RARA: variants seen among roughly 807,000 people sequenced by gnomAD.
RARA encodes the protein PML-DDX5-RARA fusion.
RARA carries 5 observed loss-of-function variants against 42.8 expected under a neutral mutation model. The observed-to-expected ratio is 0.12, with a 90% confidence interval of 0.06 to 0.25. RARA has a LOEUF of 0.25. Ranked by LOEUF, RARA falls within the 10% of genes least tolerant of loss-of-function variation. The pLI, the probability that RARA is intolerant of heterozygous loss-of-function variation, is 1.00. For missense variants in RARA, 402 were observed against 628.7 expected, an observed-to-expected ratio of 0.64 and a Z score of 3.86; for synonymous variants, 256 against 259.5, an observed-to-expected ratio of 0.99 and a Z score of 0.13.
At chr17:40,331,524 T>C in intron 2 of RARA, 128 bp downstream of exon 2, 1 of 1,151,062 alleles carries the variant, frequency 8.7e-7, no homozygotes, top group South Asian at 1.6e-5. Context: ...TCTTCTCCAG[T>C]TGGGGTGACC....
At chr17:40,321,779 G>T (rs1209159396) in intron 1 of RARA, among the ~76,000 whole-genome samples, 2 of 152,162 alleles carry the variant, frequency 1.3e-5, no homozygotes, top group Non-Finnish European at 2.9e-5. Context: ...GCTAGGGAGG[G>T]GGCTGCAGAA....
At position 40,356,908 on chromosome 17, in the gene RARA, T is replaced by C; in HGVS notation, c.*682T>C. 2.4e-6 allele frequency: 1 copy of C among 409,402 alleles called. No individual in the cohort carries two copies. The allele number at this position is 409,402 out of a possible 1,614,324, so 25.4% of individuals were successfully genotyped here. On this transcript the variant is annotated 3_prime_UTR_variant, in exon 9 of 9. Transcript: ENST00000254066. ...AAGGGGCCCCCACTCTCCTTTCATG[T>C]CCCTGTGCCCCCCAGTTCTCCTCCT... is the stretch of plus-strand genomic sequence containing the variant.
chr17:40,352,563 C>A lies in RARA; in HGVS notation c.807+56C>A. 1.4e-6 allele frequency: 2 copies of A among 1,424,846 alleles called. No individual in the cohort carries two copies. The highest frequency in any genetic ancestry group is 5.0e-5 in the East Asian group (2 of 39,852). The allele number at this position is 1,424,846 out of a possible 1,614,324, so 88.3% of individuals were successfully genotyped here. On this transcript the variant is annotated intron_variant, in intron 6 of 8. Coordinates refer to ENST00000254066, the MANE Select transcript of RARA (RefSeq NM_000964.4). This position sits in a 1 kb window ranked among gnomAD's most constrained non-coding sequence, Gnocchi z 4.9. ...TGCCCCTGTGTCCTGGGTAGATGTC[C>A]TTCCAGCCAGACAGCCACCCTCCTA...
intron 1 of RARA, among the ~76,000 whole-genome samples, chr17:40,329,853 A>C (rs1403511864): frequency 6.6e-6 from 1 of 152,180 alleles, no homozygotes; most frequent in African/African-American, 2.4e-5. Flanking sequence ...ATATGTATTT[A>C]TATATAACCT....
intron 2 of RARA, chr17:40,342,193 C>T (rs1350763505): frequency 9.5e-7 from 1 of 1,052,386 alleles, no homozygotes; most frequent in African/African-American, 1.7e-5. Flanking sequence ...GAGCGAGTCG[C>T]CAGCTGCCCC....
At chr17:40,334,074 G>C (rs2033777190) in intron 2 of RARA, among the ~76,000 whole-genome samples, 1 of 152,246 alleles carries the variant, frequency 6.6e-6, no homozygotes, top group Non-Finnish European at 1.5e-5. Flanking sequence ...TGGAGGGTTG[G>C]AGGTGGGGGC....
At chr17:40,314,830 C>T (rs2033161280) in intron 1 of RARA, among the ~76,000 whole-genome samples, 1 of 151,574 alleles carries the variant, frequency 6.6e-6, no homozygotes, top group African/African-American at 2.4e-5. Context: ...GCTGAGTCAC[C>T]CAGCCATGCC....
intron 1 of RARA, among the ~76,000 whole-genome samples, chr17:40,315,267 T>C (rs1302962525): frequency 6.6e-6 from 1 of 150,680 alleles, no homozygotes; most frequent in South Asian, 2.1e-4. Flanking sequence ...CTTGAACTCC[T>C]GGAGTCAAGC....
At chr17:40,315,851 G>T (rs1267582790) in intron 1 of RARA, among the ~76,000 whole-genome samples, 1 of 152,178 alleles carries the variant, frequency 6.6e-6, no homozygotes, top group Non-Finnish European at 1.5e-5. Flanking sequence ...CCTATCTCCT[G>T]TGTGCAGGGA....
At chr17:40,332,257 A>G (rs1439479505) in intron 2 of RARA, among the ~76,000 whole-genome samples, 1 of 151,622 alleles carries the variant, frequency 6.6e-6, no homozygotes, top group Non-Finnish European at 1.5e-5. Flanking sequence ...TGGGGGGAGG[A>G]GGGAGCCGGG....
chr17:40,336,328 G>C (rs772996902), intron 2 of RARA, among the ~76,000 whole-genome samples: 8 of 152,080 alleles, frequency 5.3e-5, no homozygotes, highest in Non-Finnish European at 1.2e-4. Flanking sequence ...CGCCCACCTC[G>C]GCATCCCAAA....
At chr17:40,337,141 C>T (rs1330995448) in intron 2 of RARA, among the ~76,000 whole-genome samples, 1 of 152,228 alleles carries the variant, frequency 6.6e-6, no homozygotes, top group East Asian at 1.9e-4. Context: ...TCCCCACTTA[C>T]ACAGAGGACA....
At chr17:40,349,963 T>C (rs747171673) in intron 4 of RARA, 38 bp downstream of exon 4, 25 of 1,608,644 alleles carry the variant, frequency 1.6e-5, no homozygotes, top group Admixed American at 1.5e-4. Context: ...CCCGCCTCAG[T>C]TGGGGTCTCA....
In RARA at chr17:40,351,471, C is replaced by G; in HGVS notation, c.470-439C>G. ...GGGGAGCCCTACTCCCCACTTGCCC[C>G]AGGAGCTGCTCAGAGCCAGTCCCAA... On this transcript the variant is annotated intron_variant, in intron 4 of 8. Coordinates refer to ENST00000254066, the MANE Select transcript of RARA (RefSeq NM_000964.4). The surrounding 1 kb of genome is among the most constrained non-coding windows in gnomAD (Gnocchi z 4.1). The G allele has an allele frequency of 2.1e-6, 1 of 473,290 alleles. No homozygotes were observed. The highest frequency in any genetic ancestry group is 4.4e-6 in the Non-Finnish European group (1 of 228,636). The allele number at this position is 473,290 out of a possible 1,614,324, so 29.3% of individuals were successfully genotyped here. A position where few individuals can be genotyped will look rare whatever the true frequency, so the allele number is the denominator to read the frequency against.
intron 1 of RARA, among the ~76,000 whole-genome samples, chr17:40,316,935 G>T (rs2033227274): frequency 6.6e-6 from 1 of 152,228 alleles, no homozygotes; most frequent in Non-Finnish European, 1.5e-5. Flanking sequence ...TGCTGGGGCA[G>T]TTTCCCGTGC....
chr17:40,341,966 C>T (rs2034067707), intron 2 of RARA: 1 of 1,130,562 alleles, frequency 8.8e-7, no homozygotes, highest in Non-Finnish European at 1.1e-6. Flanking sequence ...TCTCTCCTCT[C>T]CTCCCCCTTC....
chr17:40,324,198 C>T (rs975944185), intron 1 of RARA, among the ~76,000 whole-genome samples: 1 of 152,108 alleles, frequency 6.6e-6, no homozygotes, highest in Non-Finnish European at 1.5e-5. Context: ...TTTGTCTGTG[C>T]CCCTTTGGTC....
At chr17:40,341,330 C>T in intron 2 of RARA, 1 of 1,407,664 alleles carries the variant, frequency 7.1e-7, no homozygotes. Flanking sequence ...CCCCCTCTGC[C>T]TGTGTTTGTG....
intron 2 of RARA, chr17:40,342,311 T>C: frequency 9.4e-7 from 1 of 1,067,310 alleles, no homozygotes; most frequent in Non-Finnish European, 1.1e-6. Flanking sequence ...GAGGAAGTGC[T>C]CGTTGACCCC....
Sources: allele counts gnomAD v4.1 joint callset (sites outside exome capture counted in the v4.1 genomes callset), GRCh38; gene constraint gnomAD v4.1.1; non-coding constraint Gnocchi (gnomAD v3.1); transcripts MANE v1.5; gene names NCBI Gene and HGNC (gene_info 2026-07-23, HGNC 2026-07-21).